The following GALNT13 variants were observed in gnomAD, a reference collection of about 807,000 sequenced individuals.
GALNT13 encodes polypeptide N-acetylgalactosaminyltransferase 13.
A neutral mutation model predicts 64.2 loss-of-function variants in GALNT13; 28 were observed. The ratio of observed to expected loss-of-function variants is 0.44; its 90% CI spans 0.32 to 0.60. GALNT13 has a LOEUF of 0.60. GALNT13 is among the 20% of genes least tolerant of loss of function. The pLI is 0.05. For synonymous variants in GALNT13, 214 were observed against 224.6 expected (o/e 0.95, Z 0.42); for missense variants, 577 against 669.8 (o/e 0.86, Z 1.53).
intron 10 of GALNT13, among the ~76,000 whole-genome samples, chr2:154,405,227 C>G (rs546074493): frequency 2.0e-4 from 31 of 151,778 alleles, no homozygotes; most frequent in Middle Eastern, 3.4e-3. Context: ...AATTAGAAAT[C>G]AAAGACTAAA....
At chr2:153,627,497 T>C in the GALNT13 span, among the ~76,000 whole-genome samples, 5 of 152,228 alleles carry the variant, frequency 3.3e-5, no homozygotes, top group African/African-American at 7.2e-5. Flanking sequence ...ATTGCTATAT[T>C]ATTGTAGTAA....
chr2:153,600,173 C>A, the GALNT13 span, among the ~76,000 whole-genome samples: 1 of 151,982 alleles, frequency 6.6e-6, no homozygotes, highest in Non-Finnish European at 1.5e-5. Flanking sequence ...TTAGTTCATG[C>A]CGTGTACATG....
chr2:154,180,352 A>C (rs1043018872), intron 4 of GALNT13, among the ~76,000 whole-genome samples: 1 of 152,062 alleles, frequency 6.6e-6, no homozygotes, highest in African/African-American at 2.4e-5. Flanking sequence ...CTAGTATATT[A>C]AACATTTTGG....
At chr2:153,315,586 A>C in the GALNT13 span, among the ~76,000 whole-genome samples, 1 of 152,256 alleles carries the variant, frequency 6.6e-6, no homozygotes, top group African/African-American at 2.4e-5. Flanking sequence ...AAATTTATAA[A>C]TATAAAGATT....
chr2:154,426,078 C>T (rs946423583), intron 11 of GALNT13, among the ~76,000 whole-genome samples: 1 of 152,162 alleles, frequency 6.6e-6, no homozygotes, highest in Non-Finnish European at 1.5e-5. Flanking sequence ...CAGGGTCTCA[C>T]ACAGCTGAAA....
chr2:153,132,811 C>A, the GALNT13 span, among the ~76,000 whole-genome samples: 8 of 152,114 alleles, frequency 5.3e-5, no homozygotes, highest in Non-Finnish European at 1.0e-4. Context: ...CTTCAACCTC[C>A]CCAGGCTCAT....
At chr2:154,301,689 ATT>A (rs1693448950) in intron 9 of GALNT13, 100 bp downstream of exon 9, 3 of 782,930 alleles carry the variant, frequency 3.8e-6, no homozygotes, top group Middle Eastern at 2.9e-4. Flanking sequence ...TAGTTAAAAT[ATT>A]GTTTATTACC....
the GALNT13 span, among the ~76,000 whole-genome samples, chr2:153,713,000 T>C: frequency 6.6e-6 from 1 of 152,200 alleles, no homozygotes; most frequent in South Asian, 2.1e-4. Flanking sequence ...AAGCAATCTG[T>C]GCTGTGGGAA....
intron 1 of GALNT13, among the ~76,000 whole-genome samples, chr2:153,879,112 G>T (rs1686592767): frequency 6.6e-6 from 1 of 152,156 alleles, no homozygotes; most frequent in East Asian, 1.9e-4. Flanking sequence ...TCTGCTTGTA[G>T]TATATCACTT....
At chr2:153,521,526 C>A in the GALNT13 span, among the ~76,000 whole-genome samples, 12 of 152,256 alleles carry the variant, frequency 7.9e-5, no homozygotes, top group South Asian at 2.3e-3. Context: ...AATTGACGAA[C>A]CCACAATGAC....
chr2:153,708,531 T>C, the GALNT13 span, among the ~76,000 whole-genome samples: 2 of 152,162 alleles, frequency 1.3e-5, no homozygotes, highest in Non-Finnish European at 2.9e-5. Context: ...GGTGAACTAA[T>C]CACCTTATGA....
the GALNT13 span, among the ~76,000 whole-genome samples, chr2:153,223,297 T>A: frequency 6.6e-6 from 1 of 152,192 alleles, no homozygotes; most frequent in Non-Finnish European, 1.5e-5. Context: ...AGGATATAGA[T>A]GACCTGAACA....
At chr2:153,984,259 T>C (rs1476996682) in intron 3 of GALNT13, among the ~76,000 whole-genome samples, 2 of 151,756 alleles carry the variant, frequency 1.3e-5, no homozygotes, top group East Asian at 3.9e-4. Context: ...TTAAATTATT[T>C]TTATAATTGA....
the GALNT13 span, among the ~76,000 whole-genome samples, chr2:153,660,981 G>A: frequency 6.6e-6 from 1 of 152,068 alleles, no homozygotes; most frequent in Admixed American, 6.6e-5. Flanking sequence ...AGGAGGGAGT[G>A]CATAGCTGGA....
intron 1 of GALNT13, among the ~76,000 whole-genome samples, chr2:153,892,800 T>G (rs1687638142): frequency 6.6e-6 from 1 of 152,076 alleles, no homozygotes; most frequent in African/African-American, 2.4e-5. Flanking sequence ...GTCCTCTGTC[T>G]TCATTTTAAA....
the GALNT13 span, among the ~76,000 whole-genome samples, chr2:153,293,127 A>G: frequency 6.6e-6 from 1 of 151,886 alleles, no homozygotes; most frequent in African/African-American, 2.4e-5. Flanking sequence ...ACTTATTATC[A>G]AAACCAACCC....
the GALNT13 span, among the ~76,000 whole-genome samples, chr2:153,689,060 C>G: frequency 1.3e-5 from 1 of 75,276 alleles, no homozygotes; most frequent in Admixed American, 1.3e-4. Context: ...TATTGCTAAA[C>G]CGCGTGTGTA....
chr2:154,154,976 A>G (rs1018526853), intron 4 of GALNT13, among the ~76,000 whole-genome samples: 1 of 151,678 alleles, frequency 6.6e-6, no homozygotes, highest in Non-Finnish European at 1.5e-5. Flanking sequence ...GTATAAACAT[A>G]CATATACAAA....
intron 11 of GALNT13, among the ~76,000 whole-genome samples, chr2:154,421,370 G>A (rs1700242629): frequency 6.6e-6 from 1 of 151,940 alleles, no homozygotes; most frequent in African/African-American, 2.4e-5. Context: ...ACATCGATAT[G>A]GCTAAAACAC....
Sources: gnomAD v4.1 joint callset for allele counts (sites outside exome capture counted in the v4.1 genomes callset) on GRCh38, gnomAD v4.1.1 for gene constraint, MANE v1.5 for transcripts, NCBI Gene and HGNC (gene_info 2026-07-23, HGNC 2026-07-21) for gene names.